The following MACF1 variants were observed in gnomAD, a reference collection of about 807,000 sequenced individuals.
The protein encoded by MACF1 is microtubule actin crosslinking factor 1.
MACF1 carries 193 observed loss-of-function variants against 854.8 expected under a neutral mutation model. That is an observed-to-expected ratio of 0.23 (90% CI 0.20 to 0.25). The LOEUF (loss-of-function observed/expected upper bound fraction) is 0.25, where lower values mean the gene tolerates loss of function less well. Ranked by LOEUF, MACF1 falls within the 10% of genes least tolerant of loss-of-function variation. The probability of loss-of-function intolerance (pLI) is 1.00; values close to 1 mark genes in which losing one functional copy is unlikely to be tolerated. For missense variants in MACF1, 7,722 were observed against 8,929.1 expected, an observed-to-expected ratio of 0.86 and a Z score of 5.45; for synonymous variants, 3,185 against 3,226.7, an observed-to-expected ratio of 0.99 and a Z score of 0.44.
At chr1:39,352,115 G>A (rs773817240) in intron 43 of MACF1, among the ~76,000 whole-genome samples, 95 of 152,228 alleles carry the variant, frequency 6.2e-4, no homozygotes, top group Admixed American at 1.0e-3. Context: ...CTTGGATGCC[G>A]ACACTAATGA....
At chr1:39,194,415 G>A (rs1172500131) in intron 2 of MACF1, among the ~76,000 whole-genome samples, 1 of 139,138 alleles carries the variant, frequency 7.2e-6, no homozygotes, top group Admixed American at 7.5e-5. Context: ...GTGCAGTGGC[G>A]CGATCTCAGC....
intron 2 of MACF1, among the ~76,000 whole-genome samples, chr1:39,231,743 C>T (rs923592860): frequency 1.3e-5 from 2 of 151,678 alleles, no homozygotes; most frequent in Non-Finnish European, 2.9e-5. Flanking sequence ...CAGGGTCTCA[C>T]TATGTTGCCC....
At chr1:39,285,441 C>G in intron 13 of MACF1, 51 bp downstream of exon 13, 1 of 1,589,840 alleles carries the variant, frequency 6.3e-7, no homozygotes, top group Non-Finnish European at 8.6e-7. Flanking sequence ...TTTCCTGCTT[C>G]TCACCCTCTG....
chr1:39,411,094 C>G, intron 58 of MACF1: 1 of 1,613,544 alleles, frequency 6.2e-7, no homozygotes, highest in Non-Finnish European at 8.5e-7. Context: ...GAAGCAGCAC[C>G]CCCTTGGGGA....
intron 2 of MACF1, among the ~76,000 whole-genome samples, chr1:39,248,975 A>C (rs998176080): frequency 6.6e-6 from 1 of 151,864 alleles, no homozygotes; most frequent in African/African-American, 2.4e-5. Flanking sequence ...TCAAACTCCT[A>C]GGGTCAAGGG....
intron 52 of MACF1, among the ~76,000 whole-genome samples, chr1:39,377,810 C>T (rs887596123): frequency 1.3e-5 from 2 of 152,056 alleles, no homozygotes; most frequent in Admixed American, 1.3e-4. Flanking sequence ...TTGAGACCAG[C>T]CTGACCAACA....
intron 22 of MACF1, among the ~76,000 whole-genome samples, chr1:39,301,512 G>A (rs1304068997): frequency 6.6e-6 from 1 of 151,800 alleles, no homozygotes; most frequent in Non-Finnish European, 1.5e-5. Flanking sequence ...TGCAACCTCT[G>A]CCCCCTGGGT....
At chr1:39,311,487 G>A (rs61783378) in intron 26 of MACF1, among the ~76,000 whole-genome samples, 24,379 of 152,096 alleles carry the variant, frequency 0.16, 2,427 homozygotes, top group Middle Eastern at 0.22. Context: ...GGCAATGCAC[G>A]ATATAGGGTT....
rs781188313 is a variant in MACF1 at position 39,458,440 on chromosome 1, A to G, written c.21146A>G (p.Asn7049Ser). 17 of 1,614,170 alleles carry G rather than the reference A, an allele frequency of 1.1e-5. No individual in the cohort carries two copies. The South Asian group carries it at 1.9e-4, about 18-fold the overall frequency. The change falls in exon 90 of 101, where the codon AAC (asparagine) becomes AGC (serine). Residue 7049 changes from asparagine to serine, a missense_variant. This residue lies in a region of MACF1 where 729 missense variants were observed against 900.5 expected (regional missense o/e 0.81). Transcript: ENST00000564288. The part of the protein sequence containing the change: ...DRVTKTYKRK[N>S]IEPTHAPFIE... ...GTCACCAAGACATACAAAAGGAAAAACATAGAGCCTACTCACGCGCCTTTC... is the reference window on the plus strand; with the variant it reads ...GTCACCAAGACATACAAAAGGAAAAGCATAGAGCCTACTCACGCGCCTTTC...
Position 39,332,494 on chromosome 1 carries a change from C to T in MACF1, c.5906C>T (p.Thr1969Ile), listed in dbSNP as rs771248020. Residue 1969 changes from threonine (T) to isoleucine (I), a missense_variant, in exon 37 of 101, where the codon ACT (threonine) becomes ATT (isoleucine). This residue lies in a region of MACF1 where 1,531 missense variants were observed against 1,601.6 expected (regional missense o/e 0.96). Transcript: ENST00000564288. ...QSENLLFQLM[T>I]HSYINVQNGQ... ...GAGAATCTGTTGTTCCAGCTGATGA[C>T]TCACAGCTATATTAATGTGCAAAAT... 6 of 1,613,996 alleles carry T rather than the reference C, an allele frequency of 3.7e-6. No individual in the cohort carries two copies. The highest frequency in any genetic ancestry group is 5.1e-6 in the Non-Finnish European group (6 of 1,179,982).
In MACF1 at chr1:39,455,036, G is replaced by A. The variant is rs761570070; in HGVS notation, c.21014G>A (p.Arg7005Gln). 9.3e-6 allele frequency: 15 copies of A among 1,614,064 alleles called. No individual in the cohort carries two copies. Among genetic ancestry groups the A allele is most frequent in the East Asian group, 2.2e-5 (1 of 44,870 alleles). The change falls in exon 89 of 101, where the codon CGG (arginine) becomes CAG (glutamine). Residue 7005 changes from arginine to glutamine, a missense_variant. Physicochemically the swap from Arg to Gln is conservative, Grantham distance 43. Transcript: ENST00000564288. ...TGGGCTGAGACCACCCTCATTCAGC[G>A]GGATCAGGAGCCAATCCCGCAGAAC... ...IQWAETTLIQ[R>Q]DQEPIPQNID...
At chr1:39,299,327 T>C (rs2148413256) in intron 21 of MACF1, 1 of 455,920 alleles carries the variant, frequency 2.2e-6, no homozygotes, top group South Asian at 1.5e-5. Flanking sequence ...TTCCTAACAT[T>C]ATTAACTCTT....
Position 39,359,261 on chromosome 1 carries a change from A to G in MACF1, c.12241A>G (p.Thr4081Ala). 1 of 1,614,168 alleles carries G rather than the reference A, an allele frequency of 6.2e-7. No homozygotes were observed. ...AGACCACAGGCATGTTCAAGAAACT[A>G]CAGGTATAAAGCAGCAACAGTATAA... ...APDHRHVQETTDSILSHFQSL... is the reference protein window; with the variant it reads ...APDHRHVQETADSILSHFQSL... The change falls in exon 47 of 101, where the codon ACA becomes GCA. Residue 4081 changes from threonine (T) to alanine (A), a missense_variant. Coordinates refer to ENST00000564288, the MANE Select transcript of MACF1 (RefSeq NM_001394062.1).
intron 2 of MACF1, among the ~76,000 whole-genome samples, chr1:39,158,584 C>T (rs1643736034): frequency 6.6e-6 from 1 of 152,176 alleles, no homozygotes. Context: ...TCCTGAAAAG[C>T]ATTTAAGCTT....
At chr1:39,268,654 G>A in intron 6 of MACF1, 1 of 1,222,254 alleles carries the variant, frequency 8.2e-7, no homozygotes, top group Non-Finnish European at 1.0e-6. Flanking sequence ...GGGATCCCAG[G>A]ACTGGCTTAG....
In MACF1 at chr1:39,414,591, C is replaced by T. The variant is rs761880161; in HGVS notation, c.15817-7783C>T. 3 of 1,489,540 alleles carry T rather than the reference C, an allele frequency of 2.0e-6. No individual in the cohort carries two copies. In the East Asian group the frequency reaches 6.8e-5, roughly 34 times the overall value. The allele number at this position is 1,489,540 out of a possible 1,614,324, so 92.3% of individuals were successfully genotyped here. Reference sequence around the variant, plus strand: ...TAGTTCTTTTGTTCTTTTTGGGTCTCCCGGGCTTATAGTTTGTAGTCTTTC... The same window carrying T: ...TAGTTCTTTTGTTCTTTTTGGGTCTTCCGGGCTTATAGTTTGTAGTCTTTC... On this transcript the variant is annotated intron_variant, in intron 58 of 100. Coordinates refer to ENST00000564288, the MANE Select transcript of MACF1 (RefSeq NM_001394062.1).
intron 15 of MACF1, among the ~76,000 whole-genome samples, chr1:39,291,021 G>T (rs1645772720): frequency 6.6e-6 from 1 of 151,526 alleles, no homozygotes; most frequent in Non-Finnish European, 1.5e-5. Flanking sequence ...ACCCAGGCTG[G>T]AGTGCAGTGG....
chr1:39,433,070 G>T lies in MACF1; in HGVS notation c.17480G>T (p.Arg5827Leu). The T allele has an allele frequency of 6.2e-7, 1 of 1,609,580 alleles. No individual in the cohort carries two copies. Among genetic ancestry groups the T allele is most frequent in the Non-Finnish European group, 8.5e-7 (1 of 1,177,444 alleles). ...VQKAFSIDII[R>L]HKDSMDELFS... Reference sequence around the variant, plus strand: ...AAGGCTTTCTCCATTGACATTATTCGACACAAAGATTCAATGGATGAACTC... The same window carrying T: ...AAGGCTTTCTCCATTGACATTATTCTACACAAAGATTCAATGGATGAACTC... The change falls in exon 68 of 101, where the codon CGA becomes CTA. Residue 5827 changes from arginine to leucine, a missense_variant. Transcript: ENST00000564288.
At chr1:39,373,401 G>A (rs971583212) in intron 52 of MACF1, 4 of 149,986 alleles carry the variant, frequency 2.7e-5, no homozygotes, top group African/African-American at 5.0e-5. Flanking sequence ...CCTGGTAGGT[G>A]GAGGTTTCAT....
Sources: gnomAD v4.1 joint callset for allele counts (sites outside exome capture counted in the v4.1 genomes callset) on GRCh38, gnomAD v4.1.1 for gene constraint, gnomAD v4.1.1 regional missense constraint, MANE v1.5 for transcripts, NCBI Gene and HGNC (gene_info 2026-07-23, HGNC 2026-07-21) for gene names.